Variants in PPA2 observed in about 807,000 individuals in gnomAD.
PPA2 encodes the protein inorganic pyrophosphatase 2.
PPA2 carries 48 observed loss-of-function variants against 49.5 expected under a neutral mutation model. The observed-to-expected ratio is 0.97, with a 90% CI of 0.77 to 1.23. The LOEUF (loss-of-function observed/expected upper bound fraction) is 1.23, where lower values mean the gene tolerates loss of function less well. Among genes scored for constraint, PPA2 ranks in the 50% most tolerant of loss-of-function variants. The pLI is 0.00. For missense variants in PPA2, 429 were observed against 410.1 expected (o/e 1.05, Z -0.40); for synonymous variants, 131 against 139.9 (o/e 0.94, Z 0.45).
intron 7 of PPA2, 57 bp from the exon 8 acceptor site, chr4:105,399,221 G>C: frequency 6.5e-7 from 1 of 1,526,852 alleles, no homozygotes; most frequent in Non-Finnish European, 8.8e-7. Flanking sequence ...ATTCCCTTTA[G>C]TGGCAGAGCA....
chr4:105,443,472 GAGCTATTCCATA>G (rs1578866759), intron 5 of PPA2, among the ~76,000 whole-genome samples: 3 of 147,668 alleles, frequency 2.0e-5, no homozygotes, highest in East Asian at 3.9e-4. Context: ...AAATCAGGTA[GAGCTATTCCATA>G]AGCTATCCCA....
At chr4:105,391,461 T>C (rs913877230) in intron 9 of PPA2, among the ~76,000 whole-genome samples, 2 of 152,074 alleles carry the variant, frequency 1.3e-5, no homozygotes, top group African/African-American at 4.8e-5. Context: ...TATTTATTTA[T>C]TCAGTAAGCA....
chr4:105,404,027 A>C (rs1722342915), intron 7 of PPA2, among the ~76,000 whole-genome samples: 1 of 152,088 alleles, frequency 6.6e-6, no homozygotes, highest in African/African-American at 2.4e-5. Context: ...AAGTAAGTTA[A>C]TAGTAATGAT....
At chr4:105,430,860 G>A (rs1238337445) in intron 6 of PPA2, among the ~76,000 whole-genome samples, 1 of 152,066 alleles carries the variant, frequency 6.6e-6, no homozygotes, top group Non-Finnish European at 1.5e-5. Context: ...GTCTTCTATG[G>A]GTATCATTTT....
At chr4:105,372,519 T>C (rs766923503) in intron 10 of PPA2, among the ~76,000 whole-genome samples, 2 of 152,222 alleles carry the variant, frequency 1.3e-5, no homozygotes, top group African/African-American at 2.4e-5. Flanking sequence ...ACCAGTGAAC[T>C]CTGAATAATG....
At chr4:105,437,768 A>G (rs1724132985) in intron 6 of PPA2, among the ~76,000 whole-genome samples, 182 bp downstream of exon 6, 1 of 152,208 alleles carries the variant, frequency 6.6e-6, no homozygotes, top group Non-Finnish European at 1.5e-5. Context: ...GACTTGTTAC[A>G]GGGCTATAAT....
intron 7 of PPA2, among the ~76,000 whole-genome samples, chr4:105,411,488 G>A (rs567509139): frequency 1.3e-5 from 2 of 152,288 alleles, no homozygotes; most frequent in African/African-American, 2.4e-5. Context: ...ATATCATACT[G>A]AATGGGCAAA....
At chr4:105,438,591 A>C (rs1724184255) in intron 5 of PPA2, among the ~76,000 whole-genome samples, 1 of 152,240 alleles carries the variant, frequency 6.6e-6, no homozygotes, top group African/African-American at 2.4e-5. Flanking sequence ...CTTGATAAAA[A>C]CATGAAAAGA....
chr4:105,465,002 TC>T (rs1458568826), intron 1 of PPA2, among the ~76,000 whole-genome samples: 2 of 152,354 alleles, frequency 1.3e-5, no homozygotes, highest in East Asian at 3.9e-4. Flanking sequence ...TGTTCTGTAA[TC>T]ATACTGAATT....
At chr4:105,464,089 A>T (rs1290322688) in intron 1 of PPA2, among the ~76,000 whole-genome samples, 2 of 152,184 alleles carry the variant, frequency 1.3e-5, no homozygotes, top group Non-Finnish European at 2.9e-5. Context: ...AAAGCCACAG[A>T]CATTCAATCC....
chr4:105,400,952 C>T (rs1242968196), intron 7 of PPA2, among the ~76,000 whole-genome samples: 1 of 151,884 alleles, frequency 6.6e-6, no homozygotes, highest in African/African-American at 2.4e-5. Context: ...CTAATTATAC[C>T]CTAGGAGAAA....
intron 7 of PPA2, 118 bp downstream of exon 7, chr4:105,424,077 CT>C: frequency 9.4e-7 from 1 of 1,067,144 alleles, no homozygotes. Context: ...CTATCTACAT[CT>C]TTTCCTCTCT....
At chr4:105,444,837 C>A (rs1196853783) in intron 5 of PPA2, among the ~76,000 whole-genome samples, 1 of 152,086 alleles carries the variant, frequency 6.6e-6, no homozygotes, top group Non-Finnish European at 1.5e-5. Flanking sequence ...AATAAAAGTA[C>A]CAGTCTTAAT....
At chr4:105,445,571 A>G (rs1000807826) in intron 5 of PPA2, among the ~76,000 whole-genome samples, 2 of 152,106 alleles carry the variant, frequency 1.3e-5, no homozygotes, top group African/African-American at 4.8e-5. Context: ...CTCTTCTCAG[A>G]TATTTCCCCA....
chr4:105,444,105 T>C (rs1174171981), intron 5 of PPA2, among the ~76,000 whole-genome samples: 2 of 152,230 alleles, frequency 1.3e-5, no homozygotes, highest in African/African-American at 4.8e-5. Context: ...TATCACTGCT[T>C]TACCTGCAGT....
chr4:105,460,225 A>G (rs891329838), intron 1 of PPA2, among the ~76,000 whole-genome samples: 1 of 152,242 alleles, frequency 6.6e-6, no homozygotes, highest in Non-Finnish European at 1.5e-5. Flanking sequence ...ACAATACAGT[A>G]TAACAACTAT....
rs147281137 is a variant in PPA2, at chr4:105,459,958, A to C, written c.158-3213T>G. On this transcript the variant is annotated intron_variant, in intron 1 of 11. Coordinates refer to ENST00000341695, the MANE Select transcript of PPA2 (RefSeq NM_176869.3). Reference sequence around the variant, plus strand: ...CAAAAAATTTTTTGGGGAGGGACAGACCTGTTCTGTACTTTGTGATGCTGT... The same window carrying C: ...CAAAAAATTTTTTGGGGAGGGACAGCCCTGTTCTGTACTTTGTGATGCTGT... 4.6e-3 allele frequency among the ~76,000 whole-genome samples: 707 copies of C among 152,314 alleles called. 9 individuals are homozygous for C. Among genetic ancestry groups the C allele is most frequent in the African/African-American group, 0.016 (668 of 41,568 alleles).
At chr4:105,371,134 C>T (rs1341053604) in intron 10 of PPA2, among the ~76,000 whole-genome samples, 5 of 152,066 alleles carry the variant, frequency 3.3e-5, no homozygotes, top group Admixed American at 2.0e-4. Context: ...GGTCTTGCAG[C>T]TAGGAATGAG....
At chr4:105,457,905 C>A (rs1261139360) in intron 1 of PPA2, among the ~76,000 whole-genome samples, 2 of 152,132 alleles carry the variant, frequency 1.3e-5, no homozygotes, top group African/African-American at 4.8e-5. Flanking sequence ...ATAAAAGGAA[C>A]TAGGCCTCCT....
Sources: allele counts gnomAD v4.1 joint callset (sites outside exome capture counted in the v4.1 genomes callset), GRCh38; gene constraint gnomAD v4.1.1; transcripts MANE v1.5; gene names NCBI Gene and HGNC (gene_info 2026-07-23, HGNC 2026-07-21).